The following JMJD1C variants were observed in gnomAD, a reference collection of about 807,000 sequenced individuals.
The protein encoded by JMJD1C is jumonji domain containing 1C.
JMJD1C carries 31 observed loss-of-function variants against 245.3 expected under a neutral mutation model. The ratio of observed to expected loss-of-function variants is 0.13; its 90% CI spans 0.09 to 0.17. The LOEUF (loss-of-function observed/expected upper bound fraction) is 0.17, where lower values mean the gene tolerates loss of function less well. JMJD1C is among the 10% of genes least tolerant of loss of function. The pLI, the probability that JMJD1C is intolerant of heterozygous loss-of-function variation, is 1.00. For synonymous variants in JMJD1C, 1,057 were observed against 1,017.4 expected (o/e 1.04, Z -0.74); for missense variants, 2,691 against 3,000.2 (o/e 0.90, Z 2.41).
At chr10:63,334,652 T>G (rs941780134) in intron 2 of JMJD1C, among the ~76,000 whole-genome samples, 3 of 151,720 alleles carry the variant, frequency 2.0e-5, no homozygotes, top group African/African-American at 7.3e-5. Flanking sequence ...GCCCAAGAGG[T>G]GGAGGTTGCA....
chr10:63,357,860 CACACACAGAG>C (rs1944991351), intron 2 of JMJD1C, among the ~76,000 whole-genome samples: 1 of 147,852 alleles, frequency 6.8e-6, no homozygotes, highest in Non-Finnish European at 1.5e-5. Flanking sequence ...CACACACACA[CACACACAGAG>C]ACAAACTCCT....
At chr10:63,380,699 T>C (rs192352720) in intron 1 of JMJD1C, among the ~76,000 whole-genome samples, 2 of 152,220 alleles carry the variant, frequency 1.3e-5, no homozygotes, top group South Asian at 4.1e-4. Flanking sequence ...TCTAGCTATT[T>C]TGAAAAATAC....
chr10:63,350,841 G>C (rs575269960), intron 2 of JMJD1C, among the ~76,000 whole-genome samples: 2 of 151,836 alleles, frequency 1.3e-5, no homozygotes, highest in Non-Finnish European at 2.9e-5. Context: ...GGATGGTCTC[G>C]ATCTCCTGAC....
rs1845704702 is a variant in JMJD1C, at chr10:63,198,698, C to G, written c.5306G>C (p.Arg1769Thr). The G allele has an allele frequency of 5.0e-6, 8 of 1,606,234 alleles. No homozygotes were observed. Among genetic ancestry groups the G allele is most frequent in the Non-Finnish European group, 6.8e-6 (8 of 1,176,784 alleles). Residue 1769 changes from arginine to threonine, a missense_variant, in exon 12 of 26, where the codon AGA (arginine) becomes ACA (threonine). Arg to Thr is a moderately conservative substitution (Grantham distance 71). Transcript: ENST00000399262. ...RLSFSKNGVV[R>T]IDGFSSPDQY... ...GTCAGGAGAAGAGAAACCATCTATT[C>G]TAACTACTCCGTTTTTACTAAATGA...
intron 1 of JMJD1C, among the ~76,000 whole-genome samples, chr10:63,406,168 A>G (rs949312473): frequency 6.6e-6 from 1 of 152,214 alleles, no homozygotes. Context: ...ACTAAGGAGA[A>G]TTGAATAAAA....
intron 2 of JMJD1C, among the ~76,000 whole-genome samples, chr10:63,297,153 C>T (rs181146437): frequency 7.9e-5 from 12 of 152,320 alleles, no homozygotes; most frequent in East Asian, 7.7e-4. Flanking sequence ...AAACCAGGCG[C>T]GGTGGCTCAC....
At chr10:63,516,745 A>T (rs1425657174) in intron 1 of JMJD1C, among the ~76,000 whole-genome samples, 2 of 152,180 alleles carry the variant, frequency 1.3e-5, no homozygotes, top group Non-Finnish European at 2.9e-5. Flanking sequence ...GCCATCACAG[A>T]TGTATTTTAC....
Position 63,214,212 on chromosome 10 carries a change from G to C in JMJD1C, c.1955C>G (p.Ser652Cys). The C allele has an allele frequency of 6.2e-7, 1 of 1,613,932 alleles. No individual in the cohort carries two copies. The highest frequency in any genetic ancestry group is 8.5e-7 in the Non-Finnish European group (1 of 1,179,954). Reference sequence around the variant, plus strand: ...GGCCTTAGACTTTACAGAATCAGGAGAATGAGTTATTTTGGGTTTAACAAC... The same window carrying C: ...GGCCTTAGACTTTACAGAATCAGGACAATGAGTTATTTTGGGTTTAACAAC... Reference protein sequence around the residue: ...PEVVKPKITHSPDSVKSKATY... With the variant: ...PEVVKPKITHCPDSVKSKATY... The change falls in exon 8 of 26, where the codon TCT (serine) becomes TGT (cysteine). Residue 652 changes from serine to cysteine, a missense_variant. Ser to Cys is a moderately radical substitution (Grantham distance 112). This residue lies in a region of JMJD1C where 1,562 missense variants were observed against 1,490.7 expected (regional missense o/e 1.05). Transcript: ENST00000399262.
chr10:63,414,630 G>C (rs908702312), intron 1 of JMJD1C, among the ~76,000 whole-genome samples: 4 of 152,078 alleles, frequency 2.6e-5, no homozygotes, highest in African/African-American at 9.7e-5. Flanking sequence ...GATGATGCCT[G>C]TAATCCCAAC....
rs1402539771 is a variant in JMJD1C at position 63,478,311 on chromosome 10, A to T, written n.113+43427T>A. Among the ~76,000 whole-genome samples, 4 of 152,184 alleles carry T rather than the reference A, an allele frequency of 2.6e-5. No individual in the cohort carries two copies. In the East Asian group the frequency reaches 5.8e-4, roughly 22 times the overall value. On this transcript the variant is annotated intron_variant and non_coding_transcript_variant, in intron 1 of 3. Transcript: ENST00000633035. ...AAGTGAAATAAAAACCTATGTTCAT[A>T]AAAAAACCTACCTCTACACCCAAAT... is the stretch of plus-strand genomic sequence containing the variant.
intron 5 of JMJD1C, among the ~76,000 whole-genome samples, chr10:63,216,960 A>T (rs899198068): frequency 2.5e-4 from 38 of 152,196 alleles, no homozygotes; most frequent in African/African-American, 8.9e-4. Flanking sequence ...CTAATCAATT[A>T]AAAGAGTTTA....
intron 3 of JMJD1C, among the ~76,000 whole-genome samples, chr10:63,231,240 T>A (rs2133389184): frequency 1.3e-5 from 2 of 152,360 alleles, no homozygotes; most frequent in African/African-American, 4.8e-5. Flanking sequence ...CCTAAATTTC[T>A]GTGATTACTT....
chr10:63,295,557 C>T (rs978966895), intron 2 of JMJD1C, among the ~76,000 whole-genome samples: 1 of 152,112 alleles, frequency 6.6e-6, no homozygotes, highest in Non-Finnish European at 1.5e-5. Context: ...AAAGGGGTCT[C>T]TCTCAAGAAG....
intron 1 of JMJD1C, among the ~76,000 whole-genome samples, chr10:63,405,184 T>C (rs1451113617): frequency 6.6e-6 from 1 of 152,158 alleles, no homozygotes; most frequent in Non-Finnish European, 1.5e-5. Context: ...TTAAATCCTA[T>C]AAAGTAGGTA....
At chr10:63,323,904 C>T (rs1460997975) in intron 2 of JMJD1C, among the ~76,000 whole-genome samples, 1 of 152,056 alleles carries the variant, frequency 6.6e-6, no homozygotes. Flanking sequence ...CTGCAGCCCA[C>T]AAGCTGGAGA....
At chr10:63,263,442 A>AAAT (rs1855049418) in intron 3 of JMJD1C, among the ~76,000 whole-genome samples, 1 of 152,228 alleles carries the variant, frequency 6.6e-6, no homozygotes, top group Admixed American at 6.5e-5. Flanking sequence ...CTCTCCATGG[A>AAAT]AATAATAGCT....
chr10:63,357,348 C>G (rs932492609), intron 2 of JMJD1C, among the ~76,000 whole-genome samples: 2 of 152,170 alleles, frequency 1.3e-5, no homozygotes, highest in African/African-American at 2.4e-5. Flanking sequence ...CTCTGTTGCC[C>G]AGGCTGGAGT....
intron 2 of JMJD1C, among the ~76,000 whole-genome samples, chr10:63,293,884 T>G (rs1043850501): frequency 1.3e-5 from 2 of 152,192 alleles, no homozygotes; most frequent in African/African-American, 4.8e-5. Flanking sequence ...GAACTCCAAC[T>G]GATCAACTTA....
At chr10:63,453,952 A>G (rs1952235230) in intron 1 of JMJD1C, among the ~76,000 whole-genome samples, 1 of 152,078 alleles carries the variant, frequency 6.6e-6, no homozygotes, top group Non-Finnish European at 1.5e-5. Context: ...TGAACTCCTG[A>G]CCTCAGGTGA....
Sources: gnomAD v4.1 joint callset for allele counts (sites outside exome capture counted in the v4.1 genomes callset) on GRCh38, gnomAD v4.1.1 for gene constraint, gnomAD v4.1.1 regional missense constraint, MANE v1.5 for transcripts, NCBI Gene and HGNC (gene_info 2026-07-23, HGNC 2026-07-21) for gene names.